CDH15: variants seen among roughly 807,000 people sequenced by gnomAD.
CDH15 encodes the protein cadherin 15.
A neutral mutation model predicts 69.4 loss-of-function variants in CDH15; 73 were observed. That is an observed-to-expected ratio of 1.05 (90% CI 0.87 to 1.28). The LOEUF (loss-of-function observed/expected upper bound fraction) is 1.28. Among genes scored for constraint, CDH15 ranks in the 50% most tolerant of loss-of-function variants. The pLI, the probability that CDH15 is intolerant of heterozygous loss-of-function variation, is 0.00. For synonymous variants in CDH15, 624 were observed against 507.7 expected (o/e 1.23, Z -3.08); for missense variants, 1,343 against 1,133.6 (o/e 1.18, Z -2.65).
intron 7 of CDH15, among the ~76,000 whole-genome samples, chr16:89,189,067 GCACACACAGATGCCCACACACAGATGCC>G (rs781040467): frequency 2.9e-5 from 3 of 104,072 alleles, no homozygotes; most frequent in African/African-American, 3.9e-5. Context: ...ACAGATGCCG[GCACACACAGATGCCCACACACAGATGCC>G]CACACACAGA....
intron 1 of CDH15, among the ~76,000 whole-genome samples, chr16:89,172,586 T>G (rs548012543): frequency 1.3e-5 from 2 of 152,154 alleles, no homozygotes; most frequent in African/African-American, 4.8e-5. Flanking sequence ...AAATCTTGTC[T>G]GGACTGCTGG....
intron 1 of CDH15, among the ~76,000 whole-genome samples, chr16:89,175,017 A>G (rs1915229117): frequency 6.6e-6 from 1 of 152,078 alleles, no homozygotes; most frequent in African/African-American, 2.4e-5. Flanking sequence ...CGCCCCCGAG[A>G]GCCGGAAGTG....
At chr16:89,173,007 C>T (rs1597299200) in intron 1 of CDH15, among the ~76,000 whole-genome samples, 1 of 152,154 alleles carries the variant, frequency 6.6e-6, no homozygotes, top group Non-Finnish European at 1.5e-5. Flanking sequence ...CCTCCCAGCT[C>T]CAGCTGGCTC....
intron 1 of CDH15, among the ~76,000 whole-genome samples, chr16:89,178,560 A>AGCCCAGGC (rs1915306201): frequency 1.1e-5 from 1 of 91,346 alleles, no homozygotes. Flanking sequence ...GCCCCACCCC[A>AGCCCAGGC]CCCAGCCCCA....
At chr16:89,185,632 GGTAA>G (rs906643325) in intron 5 of CDH15, 25 of 495,000 alleles carry the variant, frequency 5.1e-5, no homozygotes, top group Non-Finnish European at 8.5e-5. Context: ...GCTCCCCGCT[GGTAA>G]GTAACTAACT....
Position 89,171,795 on chromosome 16 carries a change from G to C in CDH15, c.-37G>C. The C allele has an allele frequency of 6.5e-7, 1 of 1,543,032 alleles. No individual in the cohort carries two copies. On this transcript the variant is annotated 5_prime_UTR_variant, in exon 1 of 14. Transcript: ENST00000289746. ...CAGCCTGGACGCGCTTCTTCGGGTC[G>C]CGGGTGCACTCCGGCCCGGCTCCCG...
rs761821061 is a variant in CDH15 at position 89,180,356 on chromosome 16, G to T, written c.357+1G>T. 3 of 1,611,114 alleles carry T rather than the reference G, an allele frequency of 1.9e-6. No individual in the cohort carries two copies. Among genetic ancestry groups the T allele is most frequent in the Non-Finnish European group, 8.5e-7 (1 of 1,179,076 alleles). On this transcript the variant is annotated splice_donor_variant, in intron 3 of 13. Coordinates refer to ENST00000289746, the MANE Select transcript of CDH15 (RefSeq NM_004933.3). LOFTEE classifies it high-confidence loss of function. Reference sequence around the variant, plus strand: ...CCGCGAGAAGACTGATCGCTTCAGGGTGCGGAGCTGCGTGGTCGGACCTGT... The same window carrying T: ...CCGCGAGAAGACTGATCGCTTCAGGTTGCGGAGCTGCGTGGTCGGACCTGT...
chr16:89,193,971 T>G (rs955001023), intron 13 of CDH15, 58 bp downstream of exon 13: 145 of 1,571,114 alleles, frequency 9.2e-5, no homozygotes, highest in Non-Finnish European at 1.1e-4. Flanking sequence ...CACACACACA[T>G]GCACATGTAC....
intron 5 of CDH15, 87 bp downstream of exon 5, chr16:89,185,420 C>T (rs1392291126): frequency 1.4e-6 from 2 of 1,416,278 alleles, no homozygotes; most frequent in East Asian, 2.5e-5. Flanking sequence ...CTGCCCACCC[C>T]AGACGCTCCT....
intron 13 of CDH15, among the ~76,000 whole-genome samples, chr16:89,194,578 G>A (rs2151605820): frequency 6.6e-6 from 1 of 152,258 alleles, no homozygotes; most frequent in East Asian, 1.9e-4. Flanking sequence ...CAGGGTGAGG[G>A]GGAGCAACCC....
At chr16:89,184,541 A>G (rs2151600706) in intron 4 of CDH15, among the ~76,000 whole-genome samples, 1 of 152,304 alleles carries the variant, frequency 6.6e-6, no homozygotes. Flanking sequence ...TGGCCTACAC[A>G]GTCACAGTGC....
At chr16:89,188,001 G>A in intron 6 of CDH15, 99 bp from the exon 7 acceptor site, 1 of 1,047,214 alleles carries the variant, frequency 9.5e-7, no homozygotes. Flanking sequence ...GGAGGCAGGA[G>A]GGAGGGTGGG....
In CDH15 at chr16:89,183,621, A is replaced by C; in HGVS notation, c.431A>C (p.Asp144Ala). Reference sequence around the variant, plus strand: ...ACGGACCTGGAGATTGTAGTTGTGGATCAGAATGACAACCGGCCAGCCTTC... The same window carrying C: ...ACGGACCTGGAGATTGTAGTTGTGGCTCAGAATGACAACCGGCCAGCCTTC... ...DPTDLEIVVVDQNDNRPAFLQ... is the reference protein window; with the variant it reads ...DPTDLEIVVVAQNDNRPAFLQ... The change falls in exon 4 of 14, where the codon GAT becomes GCT. Residue 144 changes from aspartate (D) to alanine (A), a missense_variant. Coordinates refer to ENST00000289746, the MANE Select transcript of CDH15 (RefSeq NM_004933.3). 6.2e-7 allele frequency: 1 copy of C among 1,614,116 alleles called. No individual in the cohort carries two copies. Among genetic ancestry groups the C allele is most frequent in the East Asian group, 2.2e-5 (1 of 44,892 alleles).
rs1303783971 is a variant in CDH15 at position 89,179,585 on chromosome 16, G to T, written c.201+11G>T. ...TACCCCCTGGTTCAGGTGAGCAGGTGGAGGGGGCAGGAGGGGAGAAAGGGG... is the reference window on the plus strand; with the variant it reads ...TACCCCCTGGTTCAGGTGAGCAGGTTGAGGGGGCAGGAGGGGAGAAAGGGG... On this transcript the variant is annotated intron_variant, in intron 2 of 13. Coordinates refer to ENST00000289746, the MANE Select transcript of CDH15 (RefSeq NM_004933.3). The T allele has an allele frequency of 6.4e-7, 1 of 1,559,870 alleles. No homozygotes were observed. Among genetic ancestry groups the T allele is most frequent in the Admixed American group, 1.9e-5 (1 of 52,748 alleles).
In CDH15 at chr16:89,191,742, C is replaced by T. The variant is rs1460761812; in HGVS notation, c.1463C>T (p.Pro488Leu). 6.2e-7 allele frequency: 1 copy of T among 1,604,424 alleles called. No individual in the cohort carries two copies. The highest frequency in any genetic ancestry group is 8.5e-7 in the Non-Finnish European group (1 of 1,179,184). ...GCACCTGTGCTGGCCCCGCCGCCGC[C>T]GGGCAGCCTGTGCAGCGAGCCACAC... The part of the protein sequence containing the change: ...DHAPVLAPPP[P>L]GSLCSEPHQG... The change falls in exon 10 of 14, where the codon CCG becomes CTG. Residue 488 changes from proline to leucine, a missense_variant. Pro to Leu is a moderately conservative substitution (Grantham distance 98, BLOSUM62 -3). Coordinates refer to ENST00000289746, the MANE Select transcript of CDH15 (RefSeq NM_004933.3).
intron 8 of CDH15, among the ~76,000 whole-genome samples, 195 bp downstream of exon 8, chr16:89,190,691 C>G (rs915097973): frequency 1.3e-5 from 2 of 152,092 alleles, no homozygotes; most frequent in Admixed American, 1.3e-4. Flanking sequence ...CCCCCTAGGG[C>G]AGGCCCAACT....
chr16:89,191,730 C>A lies in CDH15; in HGVS notation c.1451C>A (p.Ala484Asp). The A allele has an allele frequency of 6.2e-7, 1 of 1,603,916 alleles. No homozygotes were observed. The highest frequency in any genetic ancestry group is 8.5e-7 in the Non-Finnish European group (1 of 1,179,020). ...LEVNDHAPVL[A>D]PPPPGSLCSE... ...GTGAACGACCATGCACCTGTGCTGG[C>A]CCCGCCGCCGCCGGGCAGCCTGTGC... Residue 484 changes from alanine (A) to aspartate (D), a missense_variant, in exon 10 of 14, where the codon GCC becomes GAC. Ala to Asp is a moderately radical substitution (Grantham distance 126). Transcript: ENST00000289746.
intron 1 of CDH15, among the ~76,000 whole-genome samples, chr16:89,179,016 C>T (rs1915316756): frequency 6.6e-6 from 1 of 152,234 alleles, no homozygotes; most frequent in Non-Finnish European, 1.5e-5. Context: ...GGCTGTGTCC[C>T]CGCCGGGTGA....
rs776127414 is a variant in CDH15, at chr16:89,187,608, C to T, written c.792+51C>T. The T allele has an allele frequency of 6.2e-6, 10 of 1,609,722 alleles. No individual in the cohort carries two copies. The East Asian group carries it at 2.2e-4, about 36-fold the overall frequency. On this transcript the variant is annotated intron_variant, in intron 6 of 13. Coordinates refer to ENST00000289746, the MANE Select transcript of CDH15 (RefSeq NM_004933.3). ...AGTAGCCCCTGCTTAGAGCTGCCTT[C>T]CCTTCTTGGGCTCCTGCAGAAGGCA...
Sources: gnomAD v4.1 joint callset for allele counts (sites outside exome capture counted in the v4.1 genomes callset) on GRCh38, gnomAD v4.1.1 for gene constraint, MANE v1.5 for transcripts, NCBI Gene and HGNC (gene_info 2026-07-23, HGNC 2026-07-21) for gene names.